Variants in KCNN2 observed in about 807,000 individuals in gnomAD.
The protein encoded by KCNN2 is potassium calcium-activated channel subfamily N member 2, also known as small conductance calcium-activated potassium channel protein 2.
In KCNN2, 24 loss-of-function variants were observed where a neutral mutation model predicts 55.5. The observed-to-expected ratio is 0.43, with a 90% CI of 0.31 to 0.61. KCNN2 has a LOEUF of 0.61. Among genes scored for constraint, KCNN2 ranks in the 20% least tolerant of loss-of-function variants. KCNN2 has a pLI of 0.08. For missense variants in KCNN2, 754 were observed against 853.6 expected (o/e 0.88, Z 1.45); for synonymous variants, 431 against 336.1 (o/e 1.28, Z -3.09).
At chr5:114,330,395 C>T (rs558817111) in intron 2 of KCNN2, among the ~76,000 whole-genome samples, 2 of 152,310 alleles carry the variant, frequency 1.3e-5, no homozygotes, top group Non-Finnish European at 2.9e-5. Context: ...CCTAGCAATA[C>T]GCAGACTTAA....
chr5:114,486,786 A>AAGAAGTTTCCTGAAGGAGTAAGAT (rs1218646390), intron 5 of KCNN2: 1 of 1,354,754 alleles, frequency 7.4e-7, no homozygotes, highest in East Asian at 3.9e-5. Context: ...TTGAATAAAA[A>AAGAAGTTTCCTGAAGGAGTAAGAT]AGAAGTTTCC....
At chr5:114,116,661 T>C (rs1580528143) in intron 1 of KCNN2, among the ~76,000 whole-genome samples, 2 of 152,312 alleles carry the variant, frequency 1.3e-5, no homozygotes, top group Middle Eastern at 3.4e-3. Context: ...TGGCACACTT[T>C]GAAGGGTAAA....
chr5:114,243,353 G>A (rs1443453128), intron 2 of KCNN2, among the ~76,000 whole-genome samples: 1 of 152,140 alleles, frequency 6.6e-6, no homozygotes, highest in Non-Finnish European at 1.5e-5. Flanking sequence ...GCTGAGGTCT[G>A]AAAATGTGAA....
At chr5:114,197,853 C>G (rs1753590845) in intron 1 of KCNN2, among the ~76,000 whole-genome samples, 1 of 152,174 alleles carries the variant, frequency 6.6e-6, no homozygotes, top group Admixed American at 6.5e-5. Context: ...GGTCATGGCT[C>G]AAATGCCACA....
At chr5:114,434,263 C>G (rs1465515287) in intron 3 of KCNN2, among the ~76,000 whole-genome samples, 2 of 151,828 alleles carry the variant, frequency 1.3e-5, no homozygotes, top group Non-Finnish European at 2.9e-5. Context: ...CAGTCTACTA[C>G]TCATAAGCCC....
chr5:114,300,794 T>C (rs926267663), intron 2 of KCNN2, among the ~76,000 whole-genome samples: 1 of 152,218 alleles, frequency 6.6e-6, no homozygotes, highest in Non-Finnish European at 1.5e-5. Flanking sequence ...TTCATGTAAT[T>C]CTCATCAACT....
At chr5:114,398,500 AGTT>A (rs1375581175) in intron 2 of KCNN2, among the ~76,000 whole-genome samples, 2 of 138,572 alleles carry the variant, frequency 1.4e-5, no homozygotes, top group Non-Finnish European at 3.1e-5. Flanking sequence ...TTTTTTTTGT[AGTT>A]GTTGTTTAGG....
intron 3 of KCNN2, among the ~76,000 whole-genome samples, chr5:114,419,882 C>A (rs1441565452): frequency 6.6e-6 from 1 of 152,110 alleles, no homozygotes; most frequent in African/African-American, 2.4e-5. Context: ...CCTTCAGGCC[C>A]AAATACTTAA....
Position 114,432,368 on chromosome 5 carries a change from G to T in KCNN2, c.1637+27512G>T, listed in dbSNP as rs1184364053. Among the ~76,000 whole-genome samples the T allele has an allele frequency of 2.6e-5, 4 of 152,256 alleles. No individual in the cohort carries two copies. The East Asian group carries it at 5.8e-4, about 22-fold the overall frequency. On this transcript the variant is annotated intron_variant, in intron 3 of 7. Transcript: ENST00000673685. ...GCTCTTTTGCTTTGAAGTTTGCTTTGTCTGAAATTAATATAGCTACTCCAA... is the reference window on the plus strand; with the variant it reads ...GCTCTTTTGCTTTGAAGTTTGCTTTTTCTGAAATTAATATAGCTACTCCAA...
intron 2 of KCNN2, among the ~76,000 whole-genome samples, chr5:114,371,063 C>T (rs969894490): frequency 6.6e-6 from 1 of 152,054 alleles, no homozygotes; most frequent in Admixed American, 6.6e-5. Flanking sequence ...AACAGACTTA[C>T]CAGTGGATAG....
chr5:114,216,177 G>C (rs1753996830), intron 1 of KCNN2, among the ~76,000 whole-genome samples: 3 of 152,092 alleles, frequency 2.0e-5, no homozygotes, highest in East Asian at 3.9e-4. Context: ...ACTACACCAA[G>C]AAATGAAAAC....
intron 2 of KCNN2, among the ~76,000 whole-genome samples, chr5:114,255,509 A>G (rs936363238): frequency 2.6e-5 from 4 of 152,330 alleles, no homozygotes; most frequent in Admixed American, 1.3e-4. Context: ...AGAGAAACAC[A>G]TGATGAGAGA....
chr5:114,490,967 C>T (rs1470327841), intron 6 of KCNN2, among the ~76,000 whole-genome samples: 1 of 152,118 alleles, frequency 6.6e-6, no homozygotes, highest in Non-Finnish European at 1.5e-5. Context: ...CTTTTTCTAT[C>T]AGCTCTCCTA....
intron 2 of KCNN2, among the ~76,000 whole-genome samples, chr5:114,230,267 C>CTTTTTTTTTTTTTTTTTTTTTT: frequency 7.0e-6 from 1 of 142,142 alleles, no homozygotes; most frequent in Non-Finnish European, 1.5e-5. Flanking sequence ...TAGTGATATT[C>CTTTTTTTTTTTTTTTTTTTTTT]TTTTTTTTTT....
At chr5:114,181,604 T>C (rs1753241689) in intron 1 of KCNN2, among the ~76,000 whole-genome samples, 1 of 152,178 alleles carries the variant, frequency 6.6e-6, no homozygotes, top group African/African-American at 2.4e-5. Context: ...AATTTATCAA[T>C]TTTTTTATTT....
chr5:114,300,056 T>C (rs1756121307), intron 2 of KCNN2, among the ~76,000 whole-genome samples: 1 of 151,932 alleles, frequency 6.6e-6, no homozygotes. Context: ...TCCCAGATAC[T>C]CAGCCCTCCT....
intron 2 of KCNN2, among the ~76,000 whole-genome samples, chr5:114,354,777 GT>G (rs1290988388): frequency 6.6e-6 from 1 of 152,010 alleles, no homozygotes; most frequent in Non-Finnish European, 1.5e-5. Flanking sequence ...TAAATAGTAA[GT>G]TTTGTCATTA....
intron 1 of KCNN2, among the ~76,000 whole-genome samples, chr5:114,207,823 C>A (rs985292586): frequency 6.6e-6 from 1 of 152,232 alleles, no homozygotes; most frequent in African/African-American, 2.4e-5. Context: ...CAGCCCTTTA[C>A]ATGCCGAGAG....
intron 3 of KCNN2, among the ~76,000 whole-genome samples, chr5:114,444,685 C>G (rs369912797): frequency 2.0e-5 from 3 of 152,260 alleles, no homozygotes; most frequent in Admixed American, 1.3e-4. Context: ...ACCATCTTAA[C>G]AGACGAAAGG....
Sources: allele counts gnomAD v4.1 joint callset (sites outside exome capture counted in the v4.1 genomes callset), GRCh38; gene constraint gnomAD v4.1.1; transcripts MANE v1.5; gene names NCBI Gene and HGNC (gene_info 2026-07-23, HGNC 2026-07-21).